The following SLC17A8 variants were observed in gnomAD, a reference collection of about 807,000 sequenced individuals.
SLC17A8 encodes the protein vesicular glutamate transporter 3.
A neutral mutation model predicts 58.0 loss-of-function variants in SLC17A8; 31 were observed. The ratio of observed to expected loss-of-function variants is 0.53; its 90% CI spans 0.40 to 0.72. The LOEUF is 0.72. Ranked by LOEUF, SLC17A8 falls within the 30% of genes least tolerant of loss-of-function variation. The pLI is 0.00. For missense variants in SLC17A8, 655 were observed against 727.8 expected, an observed-to-expected ratio of 0.90 and a Z score of 1.15; for synonymous variants, 228 against 249.0, an observed-to-expected ratio of 0.92 and a Z score of 0.79.
rs369209552 is a variant in SLC17A8 at position 100,396,379 on chromosome 12, C to G, written c.638C>G (p.Pro213Arg). The stretch of plus-strand genomic sequence containing the variant: ...GGGATGTGGAGTAAGTGGGCACCAC[C>G]TTTGGAGAGAAGCCGACTGGCCACA... ...CHGMWSKWAP[P>R]LERSRLATTS... The change falls in exon 5 of 12, where the codon CCT (proline) becomes CGT (arginine). Residue 213 changes from proline (P) to arginine (R), a missense_variant. Pro to Arg is a moderately radical substitution (Grantham distance 103). Coordinates refer to ENST00000323346, the MANE Select transcript of SLC17A8 (RefSeq NM_139319.3). 9.9e-5 allele frequency: 160 copies of G among 1,613,986 alleles called. No homozygotes were observed. Among genetic ancestry groups the G allele is most frequent in the Non-Finnish European group, 1.3e-4 (154 of 1,180,016 alleles).
intron 1 of SLC17A8, among the ~76,000 whole-genome samples, chr12:100,361,525 T>C (rs896791687): frequency 9.2e-5 from 14 of 152,346 alleles, no homozygotes; most frequent in African/African-American, 3.4e-4. Flanking sequence ...CCTGCCCTCT[T>C]CTCTGTCCCT....
At chr12:100,403,033 G>A (rs1348255308) in intron 8 of SLC17A8, among the ~76,000 whole-genome samples, 1 of 152,168 alleles carries the variant, frequency 6.6e-6, no homozygotes, top group African/African-American at 2.4e-5. Flanking sequence ...ATTAGGCAAG[G>A]ATAAAAAGAT....
chr12:100,411,991 G>T (rs1952871478), intron 9 of SLC17A8, among the ~76,000 whole-genome samples: 2 of 151,922 alleles, frequency 1.3e-5, no homozygotes, highest in South Asian at 4.1e-4. Flanking sequence ...TTTTCTGGTT[G>T]CTTTTGGCAA....
Position 100,403,496 on chromosome 12 carries a change from A to G in SLC17A8, c.1054-542A>G, listed in dbSNP as rs34856770. ...AAAAAAAAAGAAGAAGAAAAAATAA[A>G]CAGAAAAAAAAGAAAGAACCTCTTT... On this transcript the variant is annotated intron_variant, in intron 8 of 11. Coordinates refer to ENST00000323346, the MANE Select transcript of SLC17A8 (RefSeq NM_139319.3). 2.0e-5 allele frequency among the ~76,000 whole-genome samples: 3 copies of G among 152,122 alleles called. No individual in the cohort carries two copies. In the East Asian group the frequency reaches 5.8e-4, roughly 29 times the overall value.
Position 100,369,131 on chromosome 12 carries a change from C to T in SLC17A8, c.102-11570C>T, listed in dbSNP as rs1952542070. Reference sequence around the variant, plus strand: ...TCTCTACTAAAACTACAAAAATTAGCCAGGCATGGTGGTACGTGCCTGTAA... The same window carrying T: ...TCTCTACTAAAACTACAAAAATTAGTCAGGCATGGTGGTACGTGCCTGTAA... On this transcript the variant is annotated intron_variant, in intron 1 of 11. Coordinates refer to ENST00000323346, the MANE Select transcript of SLC17A8 (RefSeq NM_139319.3). Among the ~76,000 whole-genome samples, 4 of 152,004 alleles carry T rather than the reference C, an allele frequency of 2.6e-5. No individual in the cohort carries two copies. The South Asian group carries it at 8.3e-4, about 32-fold the overall frequency.
chr12:100,405,350 TC>T (rs1163046563), intron 9 of SLC17A8, among the ~76,000 whole-genome samples: 1 of 152,126 alleles, frequency 6.6e-6, no homozygotes, highest in African/African-American at 2.4e-5. Context: ...CATGTCCTAA[TC>T]CTCAGAAGCT....
intron 2 of SLC17A8, among the ~76,000 whole-genome samples, chr12:100,388,304 T>C (rs1592996804): frequency 6.6e-6 from 1 of 152,336 alleles, no homozygotes; most frequent in South Asian, 2.1e-4. Context: ...TTTTTTCATC[T>C]TATTGCTGGT....
chr12:100,391,351 C>T (rs1426684586), intron 3 of SLC17A8, among the ~76,000 whole-genome samples: 2 of 151,974 alleles, frequency 1.3e-5, no homozygotes, highest in African/African-American at 4.8e-5. Flanking sequence ...GTGGTGTGAT[C>T]TTGGCTCACT....
At chr12:100,418,499 T>A (rs927818435) in intron 11 of SLC17A8, among the ~76,000 whole-genome samples, 3 of 152,202 alleles carry the variant, frequency 2.0e-5, no homozygotes, top group African/African-American at 7.2e-5. Flanking sequence ...TCATTCTCAG[T>A]GATTAAACCT....
At position 100,396,366 on chromosome 12, in the gene SLC17A8, A is replaced by C. The variant is rs1368989825; in HGVS notation, c.625A>C (p.Lys209Gln). Residue 209 changes from lysine (K) to glutamine (Q), a missense_variant, in exon 5 of 12, where the codon AAG becomes CAG. Coordinates refer to ENST00000323346, the MANE Select transcript of SLC17A8 (RefSeq NM_139319.3). Reference sequence around the variant, plus strand: ...CCCAGCCTGCCATGGGATGTGGAGTAAGTGGGCACCACCTTTGGAGAGAAG... The same window carrying C: ...CCCAGCCTGCCATGGGATGTGGAGTCAGTGGGCACCACCTTTGGAGAGAAG... ...TYPACHGMWS[K>Q]WAPPLERSRL... 1 of 1,614,184 alleles carries C rather than the reference A, an allele frequency of 6.2e-7. No individual in the cohort carries two copies. The highest frequency in any genetic ancestry group is 1.1e-5 in the South Asian group (1 of 91,090).
At chr12:100,399,650 C>T (rs1214819214) in intron 5 of SLC17A8, among the ~76,000 whole-genome samples, 2 of 151,988 alleles carry the variant, frequency 1.3e-5, no homozygotes, top group Admixed American at 1.3e-4. Context: ...CTCATGAGAT[C>T]TCACTCACTA....
chr12:100,387,539 TC>T (rs1952684969), intron 2 of SLC17A8, among the ~76,000 whole-genome samples: 1 of 152,108 alleles, frequency 6.6e-6, no homozygotes, highest in Non-Finnish European at 1.5e-5. Context: ...AAGCACTATT[TC>T]CCCAGAGAGA....
chr12:100,401,662 C>T, intron 5 of SLC17A8, 115 bp from the exon 6 acceptor site: 2 of 878,686 alleles, frequency 2.3e-6, no homozygotes, highest in Admixed American at 1.7e-5. Context: ...TGCACGGAGG[C>T]AGTCTGATTC....
At chr12:100,404,991 C>T (rs975055015) in intron 9 of SLC17A8, among the ~76,000 whole-genome samples, 3 of 152,206 alleles carry the variant, frequency 2.0e-5, no homozygotes, top group African/African-American at 7.2e-5. Flanking sequence ...TGGGCAAGAG[C>T]TCACAACTGT....
rs1401003966 is a variant in SLC17A8 at position 100,393,503 on chromosome 12, C to T, written c.588+20C>T. 2.6e-6 allele frequency: 4 copies of T among 1,565,992 alleles called. No homozygotes were observed. Among genetic ancestry groups the T allele is most frequent in the African/African-American group, 2.7e-5 (2 of 73,896 alleles). ...GTGGAGGTAGGAGATACTTTCCTTA[C>T]AGTTTTTGATATTGCTAGAGACAGC... On this transcript the variant is annotated intron_variant, in intron 4 of 11. Coordinates refer to ENST00000323346, the MANE Select transcript of SLC17A8 (RefSeq NM_139319.3).
At chr12:100,367,068 A>G (rs1381648442) in intron 1 of SLC17A8, among the ~76,000 whole-genome samples, 1 of 152,178 alleles carries the variant, frequency 6.6e-6, no homozygotes, top group East Asian at 1.9e-4. Context: ...GAGCAGGAGT[A>G]TTCCTCAGGC....
At position 100,371,431 on chromosome 12, in the gene SLC17A8, C is replaced by T. The variant is rs367870536; in HGVS notation, c.102-9270C>T. ...GGTAAAGCACTCGCCATTCGTCAGG[C>T]GCTTTCTGATTAGTTCGTGTGGCAC... On this transcript the variant is annotated intron_variant, in intron 1 of 11. Coordinates refer to ENST00000323346, the MANE Select transcript of SLC17A8 (RefSeq NM_139319.3). 5.9e-5 allele frequency among the ~76,000 whole-genome samples: 9 copies of T among 152,322 alleles called. No individual in the cohort carries two copies. The South Asian group carries it at 1.7e-3, about 28-fold the overall frequency.
chr12:100,362,441 G>A (rs530714403), intron 1 of SLC17A8, among the ~76,000 whole-genome samples: 1 of 152,076 alleles, frequency 6.6e-6, no homozygotes, highest in South Asian at 2.1e-4. Flanking sequence ...TGTTGATTAG[G>A]CTGGTCTTAA....
rs931998628 is a variant in SLC17A8 at position 100,420,798 on chromosome 12, A to C, written c.*639A>C. On this transcript the variant is annotated 3_prime_UTR_variant, in exon 12 of 12. Coordinates refer to ENST00000323346, the MANE Select transcript of SLC17A8 (RefSeq NM_139319.3). ...CAGTGTAGGGAAGACATTTGTAATA[A>C]TGAAAACTGAAAATGGAGTAATTGT... 1 of 152,666 alleles carries C rather than the reference A, an allele frequency of 6.6e-6. No homozygotes were observed. The highest frequency in any genetic ancestry group is 1.5e-5 in the Non-Finnish European group (1 of 68,450). 9.5% of individuals were successfully genotyped at this position (152,666 alleles called of 1,614,324 possible). A position where few individuals can be genotyped will look rare whatever the true frequency, so the allele number is the denominator to read the frequency against.
Sources: allele counts gnomAD v4.1 joint callset (sites outside exome capture counted in the v4.1 genomes callset), GRCh38; gene constraint gnomAD v4.1.1; transcripts MANE v1.5; gene names NCBI Gene and HGNC (gene_info 2026-07-23, HGNC 2026-07-21).